Variants in PUS10 observed in about 807,000 individuals in gnomAD.
PUS10 encodes the protein tRNA pseudouridine synthase Pus10.
In PUS10, 59 loss-of-function variants were observed where a neutral mutation model predicts 75.0. The ratio of observed to expected loss-of-function variants is 0.79; its 90% CI spans 0.64 to 0.98. The LOEUF is 0.98. Ranked by LOEUF, PUS10 falls within the 50% of genes least tolerant of loss-of-function variation. PUS10 has a pLI of 0.00. For missense variants in PUS10, 650 were observed against 614.4 expected (o/e 1.06, Z -0.61); for synonymous variants, 219 against 211.6 (o/e 1.03, Z -0.30).
intron 4 of PUS10, among the ~76,000 whole-genome samples, chr2:61,000,366 G>C (rs1239755603): frequency 2.0e-5 from 3 of 152,152 alleles, no homozygotes. Context: ...TCCTCTAAAT[G>C]TGTATTCATT....
At chr2:61,010,289 A>C (rs1679513214) in intron 2 of PUS10, 1 of 156,626 alleles carries the variant, frequency 6.4e-6, no homozygotes, top group Admixed American at 6.2e-5. Context: ...TTAAATCATC[A>C]TAGCACAAGT....
chr2:60,954,172 C>T lies in PUS10; in HGVS notation c.1058-14G>A. 1 of 1,613,532 alleles carries T rather than the reference C, an allele frequency of 6.2e-7. No homozygotes were observed. Among genetic ancestry groups the T allele is most frequent in the Non-Finnish European group, 8.5e-7 (1 of 1,179,512 alleles). ...CAAAGGGCCTTCCTGGCAGCACACACCCCGTCATGAAACAGAAACGTGTTG... is the reference window on the plus strand; with the variant it reads ...CAAAGGGCCTTCCTGGCAGCACACATCCCGTCATGAAACAGAAACGTGTTG... On this transcript the variant is annotated splice_polypyrimidine_tract_variant and intron_variant, in intron 12 of 17. Coordinates refer to ENST00000316752, the MANE Select transcript of PUS10 (RefSeq NM_144709.4).
intron 8 of PUS10, among the ~76,000 whole-genome samples, chr2:60,964,449 C>T (rs1212341631): frequency 1.3e-5 from 2 of 152,158 alleles, no homozygotes; most frequent in Non-Finnish European, 2.9e-5. Context: ...ACCAATATCG[C>T]ACCACATCAT....
At chr2:61,015,058 G>C (rs924545680) in intron 1 of PUS10, among the ~76,000 whole-genome samples, 3 of 152,144 alleles carry the variant, frequency 2.0e-5, no homozygotes, top group Non-Finnish European at 4.4e-5. Flanking sequence ...AGAAAATCAG[G>C]CTTGTATGGA....
chr2:60,977,851 G>A (rs1040879142), intron 4 of PUS10, among the ~76,000 whole-genome samples: 1 of 152,220 alleles, frequency 6.6e-6, no homozygotes, highest in South Asian at 2.1e-4. Context: ...TAAGAGGAAG[G>A]TATTCAATTT....
At chr2:61,017,778 C>T in intron 1 of PUS10, 1 of 1,549,960 alleles carries the variant, frequency 6.5e-7, no homozygotes, top group Non-Finnish European at 8.7e-7. Flanking sequence ...CCAGCCGCCA[C>T]CTCCCCCCAA....
Position 60,941,809 on chromosome 2 carries a change from A to G in PUS10, c.*586T>C, listed in dbSNP as rs966137125. 6 of 152,342 alleles carry G rather than the reference A, an allele frequency of 3.9e-5. No homozygotes were observed. The highest frequency in any genetic ancestry group is 1.2e-4 in the African/African-American group (5 of 41,442). The allele number at this position is 152,342 out of a possible 1,614,324, so 9.4% of individuals were successfully genotyped here. On this transcript the variant is annotated 3_prime_UTR_variant, in exon 18 of 18. Transcript: ENST00000316752. The stretch of plus-strand genomic sequence containing the variant: ...TTCTTTCTTAATGAAAGTATTAATG[A>G]GAATTATTTCATTATTCATAGTTTG...
In PUS10 at chr2:60,946,686, G is replaced by A. The variant is rs1439621569; in HGVS notation, c.1451+1357C>T. Among the ~76,000 whole-genome samples, 3 of 152,154 alleles carry A rather than the reference G, an allele frequency of 2.0e-5. No individual in the cohort carries two copies. The East Asian group carries it at 5.8e-4, about 29-fold the overall frequency. ...GAGTAGATAACCTATACTTGGCTTA[G>A]CTGAGTAAATCCAGGTCCTGGGGTG... On this transcript the variant is annotated intron_variant, in intron 16 of 17. Coordinates refer to ENST00000316752, the MANE Select transcript of PUS10 (RefSeq NM_144709.4).
intron 15 of PUS10, among the ~76,000 whole-genome samples, chr2:60,950,939 G>A (rs1260148524): frequency 6.6e-6 from 1 of 152,048 alleles, no homozygotes; most frequent in Non-Finnish European, 1.5e-5. Flanking sequence ...TTTGAAAAAG[G>A]CTGAAATACT....
At chr2:60,947,998 T>C (rs776990855) in intron 16 of PUS10, 45 bp downstream of exon 16, 13 of 1,610,246 alleles carry the variant, frequency 8.1e-6, no homozygotes, top group African/African-American at 1.3e-5. Flanking sequence ...ACTTTTCCAA[T>C]AGAGTTCTGG....
At chr2:60,945,700 C>T (rs900116022) in intron 16 of PUS10, among the ~76,000 whole-genome samples, 2 of 152,204 alleles carry the variant, frequency 1.3e-5, no homozygotes, top group African/African-American at 4.8e-5. Flanking sequence ...TTAATTCTCT[C>T]TCTCTTTCTT....
At chr2:60,968,041 G>T (rs1676448051) in intron 5 of PUS10, among the ~76,000 whole-genome samples, 1 of 151,926 alleles carries the variant, frequency 6.6e-6, no homozygotes, top group Non-Finnish European at 1.5e-5. Flanking sequence ...TTGAAAATGG[G>T]GCTTACTTTT....
At chr2:61,004,628 CAAAA>C (rs70959883) in intron 4 of PUS10, among the ~76,000 whole-genome samples, 3 of 67,288 alleles carry the variant, frequency 4.5e-5, no homozygotes, top group East Asian at 4.5e-4. Flanking sequence ...GACTCCGTCT[CAAAA>C]AAAAAAAAAA....
intron 11 of PUS10, among the ~76,000 whole-genome samples, chr2:60,955,873 T>C: frequency 6.6e-6 from 1 of 152,116 alleles, no homozygotes; most frequent in East Asian, 1.9e-4. Context: ...ATAATCTTTC[T>C]TTCTTTCCTT....
intron 11 of PUS10, among the ~76,000 whole-genome samples, chr2:60,955,830 C>A (rs1056205150): frequency 7.2e-5 from 11 of 152,150 alleles, no homozygotes; most frequent in African/African-American, 2.2e-4. Context: ...GAGCCCACCA[C>A]CCCTCTGGCC....
chr2:60,971,900 T>A (rs1676694190), intron 4 of PUS10, among the ~76,000 whole-genome samples: 1 of 137,088 alleles, frequency 7.3e-6, no homozygotes, highest in Non-Finnish European at 1.5e-5. Flanking sequence ...AGACGGAGTC[T>A]CGCTCTGTCA....
chr2:60,990,244 A>T (rs887590452), intron 4 of PUS10, among the ~76,000 whole-genome samples: 2 of 152,232 alleles, frequency 1.3e-5, no homozygotes, highest in Non-Finnish European at 2.9e-5. Context: ...AAGATTGGAA[A>T]ACAAAGTTGA....
chr2:60,958,105 C>T (rs1322365885), intron 11 of PUS10, among the ~76,000 whole-genome samples: 1 of 152,210 alleles, frequency 6.6e-6, no homozygotes, highest in Non-Finnish European at 1.5e-5. Context: ...TTTCAGCTGC[C>T]CACCACTCAT....
chr2:60,982,149 C>T (rs1209908100), intron 4 of PUS10, among the ~76,000 whole-genome samples: 2 of 152,004 alleles, frequency 1.3e-5, no homozygotes, highest in African/African-American at 2.4e-5. Flanking sequence ...TATTTGGTCC[C>T]AGGACTACAG....
Sources: gnomAD v4.1 joint callset for allele counts (sites outside exome capture counted in the v4.1 genomes callset) on GRCh38, gnomAD v4.1.1 for gene constraint, MANE v1.5 for transcripts, NCBI Gene and HGNC (gene_info 2026-07-23, HGNC 2026-07-21) for gene names.